Variants in WASF3 observed in about 807,000 individuals in gnomAD.
WASF3 encodes the protein WASP family member 3.
WASF3 carries 11 observed loss-of-function variants against 46.6 expected under a neutral mutation model. The ratio of observed to expected loss-of-function variants is 0.24; its 90% CI spans 0.15 to 0.39. The LOEUF (loss-of-function observed/expected upper bound fraction) is 0.39, where lower values mean the gene tolerates loss of function less well. Ranked by LOEUF, WASF3 falls within the 10% of genes least tolerant of loss-of-function variation. The probability of loss-of-function intolerance (pLI) is 1.00; values close to 1 mark genes in which losing one functional copy is unlikely to be tolerated. For missense variants in WASF3, 576 were observed against 669.8 expected (o/e 0.86, Z 1.55); for synonymous variants, 242 against 259.7 (o/e 0.93, Z 0.65).
chr13:26,660,703 TA>T (rs573164735), intron 3 of WASF3, among the ~76,000 whole-genome samples: 2 of 152,016 alleles, frequency 1.3e-5, no homozygotes, highest in East Asian at 1.9e-4. Flanking sequence ...TCCAGGTTTT[TA>T]AAAAAAACTG....
Position 26,616,454 on chromosome 13 carries a change from G to A in WASF3, c.-11+3396G>A, listed in dbSNP as rs188323397. ...TCTTGTGCCCATTTTAAGAAATTGG[G>A]TACTTTATTATAGATTTTCAAGAAT... On this transcript the variant is annotated intron_variant, in intron 2 of 9. Coordinates refer to ENST00000335327, the MANE Select transcript of WASF3 (RefSeq NM_006646.6). Among the ~76,000 whole-genome samples the A allele has an allele frequency of 8.5e-4, 130 of 152,160 alleles. 1 individual carries two copies. The highest frequency in any genetic ancestry group is 3.0e-3 in the African/African-American group (126 of 41,500).
At chr13:26,589,980 A>C (rs1226000214) in intron 1 of WASF3, among the ~76,000 whole-genome samples, 1 of 152,244 alleles carries the variant, frequency 6.6e-6, no homozygotes, top group Non-Finnish European at 1.5e-5. Context: ...AATGGAAAAC[A>C]TGAACATGCT....
chr13:26,657,056 A>G (rs1323927408), intron 3 of WASF3, among the ~76,000 whole-genome samples: 1 of 152,212 alleles, frequency 6.6e-6, no homozygotes, highest in Non-Finnish European at 1.5e-5. Flanking sequence ...TCTTGTATAT[A>G]CAACAGAGGG....
At chr13:26,550,294 T>C in the WASF3 span, among the ~76,000 whole-genome samples, 2 of 152,178 alleles carry the variant, frequency 1.3e-5, no homozygotes, top group Non-Finnish European at 2.9e-5. Context: ...GTGCAGTGCA[T>C]TTTAGTTCCC....
intron 1 of WASF3, among the ~76,000 whole-genome samples, chr13:26,596,155 A>G (rs1880454473): frequency 8.0e-6 from 1 of 125,388 alleles, no homozygotes; most frequent in South Asian, 2.5e-4. Flanking sequence ...CTTTGGTATT[A>G]TCACTGTTTA....
intron 3 of WASF3, among the ~76,000 whole-genome samples, chr13:26,652,646 A>G (rs566247241): frequency 6.6e-6 from 1 of 152,354 alleles, no homozygotes; most frequent in Admixed American, 6.5e-5. Context: ...ATTAATATAC[A>G]GAGAGTGATG....
rs1225027598 is a variant in WASF3 at position 26,679,357 on chromosome 13, C to T, written c.717-1697C>T. Among the ~76,000 whole-genome samples the T allele has an allele frequency of 6.6e-6, 1 of 152,184 alleles. No individual in the cohort carries two copies. Among genetic ancestry groups the T allele is most frequent in the Non-Finnish European group, 1.5e-5 (1 of 68,028 alleles). ...CCAGCCCCCGTCCTCCTGATGGGCACCCTTCATCAGGGTTCTGCCCTGTAG... is the reference window on the plus strand; with the variant it reads ...CCAGCCCCCGTCCTCCTGATGGGCATCCTTCATCAGGGTTCTGCCCTGTAG... On this transcript the variant is annotated intron_variant, in intron 7 of 9. Transcript: ENST00000335327. This position sits in a 1 kb window ranked among gnomAD's most constrained non-coding sequence, Gnocchi z 4.8.
chr13:26,558,697 G>A (rs1879186006), intron 1 of WASF3, among the ~76,000 whole-genome samples: 1 of 152,170 alleles, frequency 6.6e-6, no homozygotes. Context: ...GAGCATCATA[G>A]GAATTCTTTC....
intron 2 of WASF3, among the ~76,000 whole-genome samples, chr13:26,617,422 A>C (rs1881168209): frequency 6.6e-6 from 1 of 152,034 alleles, no homozygotes; most frequent in Admixed American, 6.6e-5. Context: ...TATCACTCCT[A>C]GTTATTTCAT....
chr13:26,675,934 G>C (rs9512326), intron 6 of WASF3, among the ~76,000 whole-genome samples: 51,069 of 151,958 alleles, frequency 0.34, 9,223 homozygotes, highest in African/African-American at 0.45. Context: ...AACTTCTCAC[G>C]TTTCAAGAAG....
chr13:26,559,063 T>C (rs945024062), intron 1 of WASF3, among the ~76,000 whole-genome samples: 14 of 152,244 alleles, frequency 9.2e-5, no homozygotes, highest in African/African-American at 3.4e-4. Context: ...AATGCAGTGG[T>C]TCTTTAAAGC....
intron 1 of WASF3, among the ~76,000 whole-genome samples, chr13:26,596,197 T>A (rs1284458967): frequency 2.0e-5 from 3 of 151,626 alleles, no homozygotes; most frequent in Non-Finnish European, 2.9e-5. Context: ...TAATGATATC[T>A]CATTGTGGTT....
upstream of WASF3, among the ~76,000 whole-genome samples, chr13:26,554,283 C>A (rs1879053089): frequency 6.6e-6 from 1 of 151,860 alleles, no homozygotes. Flanking sequence ...GCATATGCCA[C>A]CACTCTTGGC....
At chr13:26,541,947 G>A in the WASF3 span, among the ~76,000 whole-genome samples, 1 of 152,176 alleles carries the variant, frequency 6.6e-6, no homozygotes, top group East Asian at 1.9e-4. Flanking sequence ...TCTGCCAGGT[G>A]TTGGTGTACC....
chr13:26,646,937 A>G (rs1882166881), intron 3 of WASF3, among the ~76,000 whole-genome samples: 1 of 152,248 alleles, frequency 6.6e-6, no homozygotes, highest in Non-Finnish European at 1.5e-5. Flanking sequence ...GCATAAAGCA[A>G]GAAAAGAATC....
chr13:26,668,731 G>C lies in WASF3; in HGVS notation c.422+1061G>C, dbSNP rs761029586. ...CTTTCTTTCCGCACAGACAGGGAGA[G>C]GCTCTCAGAAAAACAGGCCAAACTG... On this transcript the variant is annotated intron_variant, in intron 5 of 9. Transcript: ENST00000335327. Among the ~76,000 whole-genome samples, 6 of 152,334 alleles carry C rather than the reference G, an allele frequency of 3.9e-5. No individual in the cohort carries two copies. The East Asian group carries it at 5.8e-4, about 15-fold the overall frequency.
intron 1 of WASF3, among the ~76,000 whole-genome samples, chr13:26,558,178 C>T (rs981813841): frequency 9.2e-5 from 14 of 152,046 alleles, no homozygotes; most frequent in African/African-American, 3.4e-4. Flanking sequence ...AAGTGGCGCC[C>T]GGGCCTCCGC....
At chr13:26,578,066 C>A (rs1404895010) in intron 1 of WASF3, among the ~76,000 whole-genome samples, 18 of 152,144 alleles carry the variant, frequency 1.2e-4, no homozygotes, top group Admixed American at 1.2e-3. Context: ...AATTGACTAG[C>A]AAGACAATTT....
At chr13:26,675,513 C>T (rs1883040953) in intron 6 of WASF3, among the ~76,000 whole-genome samples, 1 of 112,768 alleles carries the variant, frequency 8.9e-6, no homozygotes, top group African/African-American at 3.2e-5. Context: ...CACACACACA[C>T]ACACACACAC....
Sources: gnomAD v4.1 joint callset for allele counts (sites outside exome capture counted in the v4.1 genomes callset) on GRCh38, gnomAD v4.1.1 for gene constraint, Gnocchi (gnomAD v3.1) non-coding constraint, MANE v1.5 for transcripts, NCBI Gene and HGNC (gene_info 2026-07-23, HGNC 2026-07-21) for gene names.